SHLD2: variants seen among roughly 807,000 people sequenced by gnomAD.
The protein encoded by SHLD2 is shieldin complex subunit 2, also known as RINN1-REV7-interacting novel NHEJ regulator 2.
Under a neutral mutation model 73.2 loss-of-function variants are expected in SHLD2, and 30 were observed. The observed-to-expected ratio is 0.41, with a 90% CI of 0.31 to 0.56. The LOEUF is 0.56. SHLD2 is among the 20% of genes least tolerant of loss of function. The pLI is 0.28. For synonymous variants in SHLD2, 285 were observed against 370.1 expected (o/e 0.77, Z 2.64); for missense variants, 745 against 1,055.9 (o/e 0.71, Z 4.08).
intron 2 of SHLD2, among the ~76,000 whole-genome samples, chr10:87,146,167 A>C (rs1845592302): frequency 6.6e-6 from 1 of 152,196 alleles, no homozygotes; most frequent in Non-Finnish European, 1.5e-5. Flanking sequence ...ACAGTTCCAC[A>C]CTTACAAGGG....
Position 87,169,348 on chromosome 10 carries a change from T to C in SHLD2, c.1634-1130T>C, listed in dbSNP as rs549077542. Among the ~76,000 whole-genome samples the C allele has an allele frequency of 1.2e-4, 18 of 152,312 alleles. No homozygotes were observed. In the East Asian group the frequency reaches 2.9e-3, roughly 24 times the overall value. On this transcript the variant is annotated intron_variant, in intron 4 of 9. Transcript: ENST00000298786. ...ATTACGTGTGGTTTTAATTTTTTCT[T>C]TGTAACTTTAGTTTGAATTTTATGT...
In SHLD2 at chr10:87,152,419, T is replaced by C; in HGVS notation, c.1065T>C (p.Arg355=). 1 of 1,604,000 alleles carries C rather than the reference T, an allele frequency of 6.2e-7. No homozygotes were observed. Among genetic ancestry groups the C allele is most frequent in the Non-Finnish European group, 8.5e-7 (1 of 1,175,654 alleles). The change falls in exon 3 of 10, where the codon CGT becomes CGC. Residue 355 remains arginine (R), a synonymous_variant. Coordinates refer to ENST00000298786, the MANE Select transcript of SHLD2 (RefSeq NM_001330112.2). ...ATGAACTGCCACCAAATGAGATACG[T>C]ATTGAGTTGTGTAGCTCAGGAATAC... ...SEDELPPNEI[R]IELCSSGILC...
At chr10:87,106,162 G>A (rs768051461) in intron 2 of SHLD2, among the ~76,000 whole-genome samples, 3 of 152,054 alleles carry the variant, frequency 2.0e-5, no homozygotes, top group African/African-American at 4.8e-5. Context: ...TGCTACCATG[G>A]CTGACTAATT....
At position 87,170,958 on chromosome 10, in the gene SHLD2, ACTTC is replaced by A; in HGVS notation, c.1948_1951del (p.Leu650LysfsTer21). On this transcript the variant is annotated frameshift_variant, in exon 6 of 10. Transcript: ENST00000298786. LOFTEE classifies it high-confidence loss of function. ...GTCCTGGAGCAGCCTGGTACCCTCA[ACTTC>A]AAAGGAAAAAAGGTAAATACACCAA... The A allele has an allele frequency of 3.9e-6, 6 of 1,538,936 alleles. No homozygotes were observed. The Admixed American group carries it at 5.2e-5, about 13-fold the overall frequency.
At position 87,190,519 on chromosome 10, in the gene SHLD2, G is replaced by A. The variant is rs754085563; in HGVS notation, c.2551G>A (p.Ala851Thr). The change falls in exon 10 of 10, where the codon GCA becomes ACA. Residue 851 changes from alanine to threonine, a missense_variant. Around this residue, in one of 5 missense-constraint regions of SHLD2, gnomAD observed 418 missense variants for 567.8 expected, o/e 0.74. Coordinates refer to ENST00000298786, the MANE Select transcript of SHLD2 (RefSeq NM_001330112.2). ...SSEITYGMVV[A>T]DLFHSLLAVS... ...AGAGATCACCTATGGGATGGTCGTG[G>A]CAGACCTGTTCCACTCCTTGTTGGC... 6.2e-7 allele frequency: 1 copy of A among 1,611,934 alleles called. No homozygotes were observed. The highest frequency in any genetic ancestry group is 8.5e-7 in the Non-Finnish European group (1 of 1,179,806).
intron 2 of SHLD2, among the ~76,000 whole-genome samples, chr10:87,130,825 T>C (rs3117881): frequency 0.69 from 104,792 of 151,948 alleles, 36,744 homozygotes; most frequent in East Asian, 0.84. Flanking sequence ...AATCCCAGAA[T>C]TTTGGGAGGT....
chr10:87,094,903 C>G (rs1432856926), upstream of SHLD2: 1 of 578,292 alleles, frequency 1.7e-6, no homozygotes, highest in African/African-American at 1.9e-5. This position sits in a 1 kb window ranked among gnomAD's most constrained non-coding sequence, Gnocchi z 6.6. Flanking sequence ...CGGCTGTCCC[C>G]TCCCCTCGGG....
chr10:87,100,328 T>C (rs1842182707), intron 2 of SHLD2, among the ~76,000 whole-genome samples: 3 of 152,212 alleles, frequency 2.0e-5, no homozygotes, highest in Non-Finnish European at 4.4e-5. Context: ...ATCCAGTTCA[T>C]TTGCTCAAAA....
At chr10:87,123,803 A>G (rs1333558689) in intron 2 of SHLD2, among the ~76,000 whole-genome samples, 2 of 152,132 alleles carry the variant, frequency 1.3e-5, no homozygotes, top group Non-Finnish European at 2.9e-5. Flanking sequence ...GCTTCTCCTA[A>G]AACTTTGAAA....
chr10:87,103,292 T>C (rs1842388559), intron 2 of SHLD2, among the ~76,000 whole-genome samples: 2 of 152,100 alleles, frequency 1.3e-5, no homozygotes, highest in Admixed American at 1.3e-4. Context: ...TTTAATATGA[T>C]TTAGTTCTCA....
At chr10:87,096,298 G>A (rs540341989) in intron 1 of SHLD2, among the ~76,000 whole-genome samples, 2 of 152,230 alleles carry the variant, frequency 1.3e-5, no homozygotes, top group South Asian at 4.2e-4. Flanking sequence ...GCCCGCCTAG[G>A]CCTCCCAGAA....
chr10:87,176,055 G>A lies in SHLD2; in HGVS notation c.2130G>A (p.Lys710=), dbSNP rs1291516350. The A allele has an allele frequency of 4.5e-5, 70 of 1,548,220 alleles. No homozygotes were observed. The highest frequency in any genetic ancestry group is 6.1e-5 in the Non-Finnish European group (70 of 1,146,812). ...AAAAAAGTGCACCCTCCTTTGTGAAGATATCAGACTTAGCAACCCACCTAG... is the reference window on the plus strand; with the variant it reads ...AAAAAAGTGCACCCTCCTTTGTGAAAATATCAGACTTAGCAACCCACCTAG... ...KFQKSAPSFV[K]ISDLATHLED... Residue 710 remains lysine, a synonymous_variant, in exon 7 of 10, where the codon AAG becomes AAA. Coordinates refer to ENST00000298786, the MANE Select transcript of SHLD2 (RefSeq NM_001330112.2).
chr10:87,110,463 C>A (rs576330941), intron 2 of SHLD2, among the ~76,000 whole-genome samples: 2 of 151,742 alleles, frequency 1.3e-5, no homozygotes, highest in African/African-American at 4.8e-5. Context: ...AAAAATTAGC[C>A]GGAAGTGGTG....
chr10:87,140,936 C>T (rs183031415), intron 2 of SHLD2, among the ~76,000 whole-genome samples: 79 of 151,644 alleles, frequency 5.2e-4, no homozygotes, highest in African/African-American at 1.9e-3. Flanking sequence ...TAATTGTATT[C>T]CACCCAGGGT....
intron 2 of SHLD2, among the ~76,000 whole-genome samples, chr10:87,147,090 A>G (rs1269922393): frequency 9.4e-6 from 1 of 106,930 alleles, no homozygotes; most frequent in Non-Finnish European, 2.1e-5. Context: ...AAAAAAAAAC[A>G]AAAAAACCTT....
At chr10:87,110,778 G>T (rs1564579206) in intron 2 of SHLD2, among the ~76,000 whole-genome samples, 3 of 152,062 alleles carry the variant, frequency 2.0e-5, no homozygotes, top group African/African-American at 7.2e-5. Flanking sequence ...CTTGGATCAG[G>T]CAGGTTTCTT....
intron 2 of SHLD2, among the ~76,000 whole-genome samples, chr10:87,102,145 T>C (rs911600029): frequency 1.3e-5 from 2 of 152,186 alleles, no homozygotes; most frequent in African/African-American, 2.4e-5. Context: ...AATCTCTTAT[T>C]GATGGACATG....
Position 87,170,462 on chromosome 10 carries a change from GT to G in SHLD2, c.1634-8del, listed in dbSNP as rs766675425. ...GTTGCCATCTTTTGTCTGTCTGTAT[GT>G]TTTTTTTCCCTTAGATTCCAGTGTA... On this transcript the variant is annotated splice_polypyrimidine_tract_variant and intron_variant, in intron 4 of 9. Transcript: ENST00000298786. 2.7e-5 allele frequency: 41 copies of G among 1,521,688 alleles called. No homozygotes were observed. The highest frequency in any genetic ancestry group is 3.8e-5 in the South Asian group (3 of 77,966). 94.3% of individuals were successfully genotyped at this position (1,521,688 alleles called of 1,614,324 possible).
chr10:87,132,293 C>A (rs1334892359), intron 2 of SHLD2, among the ~76,000 whole-genome samples: 1 of 152,062 alleles, frequency 6.6e-6, no homozygotes, highest in Non-Finnish European at 1.5e-5. Flanking sequence ...AGGTGCTCTC[C>A]TCTCCCCCAG....
Sources: allele counts gnomAD v4.1 joint callset (sites outside exome capture counted in the v4.1 genomes callset), GRCh38; gene constraint gnomAD v4.1.1; regional missense constraint gnomAD v4.1.1; non-coding constraint Gnocchi (gnomAD v3.1); transcripts MANE v1.5; gene names NCBI Gene and HGNC (gene_info 2026-07-23, HGNC 2026-07-21).